ZNF407: variants seen among roughly 807,000 people sequenced by gnomAD.
ZNF407 encodes zinc finger protein 407.
In ZNF407, 17 loss-of-function variants were observed where a neutral mutation model predicts 131.2. The ratio of observed to expected loss-of-function variants is 0.13; its 90% CI spans 0.09 to 0.19. The LOEUF is 0.19. Ranked by LOEUF, ZNF407 falls within the 10% of genes least tolerant of loss-of-function variation. The pLI, the probability that ZNF407 is intolerant of heterozygous loss-of-function variation, is 1.00. For synonymous variants in ZNF407, 1,156 were observed against 1,062.0 expected, an observed-to-expected ratio of 1.09 and a Z score of -1.72; for missense variants, 2,681 against 2,830.6, an observed-to-expected ratio of 0.95 and a Z score of 1.20.
intron 4 of ZNF407, among the ~76,000 whole-genome samples, chr18:74,867,790 A>G (rs1054304568): frequency 3.3e-5 from 5 of 152,248 alleles, no homozygotes; most frequent in Admixed American, 2.0e-4. Flanking sequence ...TCAGTACAGT[A>G]TAAATTCCTT....
rs911998087 is a variant in ZNF407, at chr18:75,000,919, G to A, written c.5429-62231G>A. On this transcript the variant is annotated intron_variant, in intron 8 of 8. Transcript: ENST00000299687. ...TGGCATCAACGTCACATTAAGGTGC[G>A]TAGATAGCCTTTAGTAGGGTGCAGT... 6.6e-5 allele frequency among the ~76,000 whole-genome samples: 10 copies of A among 152,256 alleles called. No homozygotes were observed. In the East Asian group the frequency reaches 1.2e-3, roughly 18 times the overall value.
intron 4 of ZNF407, among the ~76,000 whole-genome samples, chr18:74,851,158 A>G (rs1483329476): frequency 1.3e-5 from 2 of 152,218 alleles, no homozygotes; most frequent in Non-Finnish European, 2.9e-5. Context: ...TGATATCGTA[A>G]TAGGACTGAT....
At chr18:74,976,248 TAGTAG>T (rs1753473989) in intron 8 of ZNF407, among the ~76,000 whole-genome samples, 1 of 152,202 alleles carries the variant, frequency 6.6e-6, no homozygotes, top group African/African-American at 2.4e-5. Context: ...GTTTTCTCAT[TAGTAG>T]AGTAGTTTAC....
chr18:75,011,869 T>G (rs942523052), intron 8 of ZNF407, among the ~76,000 whole-genome samples: 2 of 152,166 alleles, frequency 1.3e-5, no homozygotes, highest in Non-Finnish European at 2.9e-5. Flanking sequence ...AAAGTATAAA[T>G]TAGCCCAATG....
At chr18:74,619,289 TTGCCCTG>T (rs1316487654) in intron 1 of ZNF407, among the ~76,000 whole-genome samples, 1 of 152,210 alleles carries the variant, frequency 6.6e-6, no homozygotes, top group Non-Finnish European at 1.5e-5. Context: ...GTTTTGTGAG[TTGCCCTG>T]TGTCCTACAG....
chr18:75,044,011 C>T (rs1381538876), intron 8 of ZNF407, among the ~76,000 whole-genome samples: 1 of 152,082 alleles, frequency 6.6e-6, no homozygotes, highest in Non-Finnish European at 1.5e-5. Flanking sequence ...TTGGTATCTA[C>T]TATATGTTTC....
At chr18:74,749,279 C>T (rs936344) in intron 3 of ZNF407, among the ~76,000 whole-genome samples, 3,096 of 152,270 alleles carry the variant, frequency 0.02, 105 homozygotes, top group African/African-American at 0.066. Context: ...CCTCTCCTCT[C>T]ATCGTGGCTC....
intron 6 of ZNF407, 100 bp downstream of exon 6, chr18:74,881,219 T>A: frequency 9.2e-7 from 1 of 1,087,700 alleles, no homozygotes; most frequent in Non-Finnish European, 1.3e-6. Flanking sequence ...TTTTTAATTT[T>A]TATAACATCT....
Position 75,054,467 on chromosome 18 carries a change from T to C in ZNF407, c.5429-8683T>C, listed in dbSNP as rs191007381. Among the ~76,000 whole-genome samples, 815 of 152,348 alleles carry C rather than the reference T, an allele frequency of 5.3e-3. 9 individuals are homozygous for C. The highest frequency in any genetic ancestry group is 0.018 in the African/African-American group (758 of 41,574). On this transcript the variant is annotated intron_variant, in intron 8 of 8. Coordinates refer to ENST00000299687, the MANE Select transcript of ZNF407 (RefSeq NM_017757.3). ...ATGACTACAAAAGTGAATGTGGGTT[T>C]TTTTATAGGGTTTTGCCAGAAAAAG...
intron 7 of ZNF407, among the ~76,000 whole-genome samples, chr18:74,897,214 C>G (rs1421580601): frequency 1.3e-5 from 2 of 152,114 alleles, no homozygotes; most frequent in African/African-American, 4.8e-5. Flanking sequence ...AGTAAAAGAT[C>G]TTACAAACTT....
intron 3 of ZNF407, among the ~76,000 whole-genome samples, chr18:74,776,250 A>C (rs1969469309): frequency 6.6e-6 from 1 of 152,170 alleles, no homozygotes. Context: ...TTCATTACAC[A>C]CTGAATCTCC....
At chr18:74,609,960 A>G (rs1476783397) in intron 1 of ZNF407, among the ~76,000 whole-genome samples, 1 of 152,176 alleles carries the variant, frequency 6.6e-6, no homozygotes, top group Non-Finnish European at 1.5e-5. Flanking sequence ...TATATATTAT[A>G]TATGCTTTAT....
At chr18:74,802,002 T>A (rs547443213) in intron 4 of ZNF407, among the ~76,000 whole-genome samples, 11 of 152,064 alleles carry the variant, frequency 7.2e-5, no homozygotes, top group South Asian at 4.2e-4. Flanking sequence ...AAAAAAAAAA[T>A]TTTCCTTTGC....
chr18:74,671,513 C>G (rs1164703754), intron 3 of ZNF407, among the ~76,000 whole-genome samples: 1 of 152,078 alleles, frequency 6.6e-6, no homozygotes, highest in African/African-American at 2.4e-5. Context: ...CTCCTCCCAC[C>G]CTCCACCCTC....
chr18:74,861,308 TGACA>T (rs1043593281), intron 4 of ZNF407, among the ~76,000 whole-genome samples: 2 of 152,254 alleles, frequency 1.3e-5, no homozygotes, highest in Admixed American at 1.3e-4. Flanking sequence ...GTGCTTTATC[TGACA>T]GACAGTGTGT....
At chr18:74,846,687 A>C (rs1454979577) in intron 4 of ZNF407, among the ~76,000 whole-genome samples, 1 of 151,768 alleles carries the variant, frequency 6.6e-6, no homozygotes, top group African/African-American at 2.4e-5. Flanking sequence ...ATATAAAAAT[A>C]ATTTTATCTT....
chr18:74,996,277 C>G (rs1972779511), intron 8 of ZNF407, among the ~76,000 whole-genome samples: 1 of 152,032 alleles, frequency 6.6e-6, no homozygotes, highest in Non-Finnish European at 1.5e-5. Flanking sequence ...AATGATGACT[C>G]TGGCCTCCTG....
chr18:74,627,692 G>A (rs1021265260), intron 1 of ZNF407, among the ~76,000 whole-genome samples: 1 of 152,060 alleles, frequency 6.6e-6, no homozygotes, highest in African/African-American at 2.4e-5. Flanking sequence ...TAAACAAAGC[G>A]TTCTGTAATC....
intron 8 of ZNF407, among the ~76,000 whole-genome samples, chr18:75,014,636 A>G (rs936823064): frequency 6.6e-5 from 10 of 152,110 alleles, no homozygotes; most frequent in African/African-American, 2.4e-4. Context: ...ACCATCGACC[A>G]AAATAAAATA....
Sources: allele counts gnomAD v4.1 joint callset (sites outside exome capture counted in the v4.1 genomes callset), GRCh38; gene constraint gnomAD v4.1.1; transcripts MANE v1.5; gene names NCBI Gene and HGNC (gene_info 2026-07-23, HGNC 2026-07-21).